The following MPRIP variants were observed in gnomAD, a reference collection of about 807,000 sequenced individuals.
MPRIP encodes myosin phosphatase Rho-interacting protein.
A neutral mutation model predicts 234.9 loss-of-function variants in MPRIP; 59 were observed. The ratio of observed to expected loss-of-function variants is 0.25; its 90% CI spans 0.20 to 0.31. MPRIP has a LOEUF of 0.31. MPRIP is among the 10% of genes least tolerant of loss of function. The pLI, the probability that MPRIP is intolerant of heterozygous loss-of-function variation, is 1.00. For missense variants in MPRIP, 2,436 were observed against 3,071.0 expected, an observed-to-expected ratio of 0.79 and a Z score of 4.89; for synonymous variants, 1,144 against 1,263.9, an observed-to-expected ratio of 0.91 and a Z score of 2.01.
intron 1 of MPRIP, among the ~76,000 whole-genome samples, chr17:17,074,971 C>G (rs1389477672): frequency 1.3e-5 from 2 of 152,040 alleles, no homozygotes; most frequent in African/African-American, 4.8e-5. Flanking sequence ...TTATTTGAGC[C>G]CCTGTTTTCC....
Position 17,137,233 on chromosome 17 carries a change from G to A in MPRIP, c.737-683G>A, listed in dbSNP as rs190681032. On this transcript the variant is annotated intron_variant, in intron 6 of 23. Coordinates refer to ENST00000651222, the MANE Select transcript of MPRIP (RefSeq NM_001364716.4). ...CAGAATGCATTAAAAGACTGAAGGG[G>A]CCGGGCATGGTGGCTCACGCCTATA... Among the ~76,000 whole-genome samples, 303 of 152,262 alleles carry A rather than the reference G, an allele frequency of 2.0e-3. 6 individuals carry two copies. In the East Asian group the frequency reaches 0.048, roughly 24 times the overall value.
intron 22 of MPRIP, 22 bp from the exon 23 acceptor site, chr17:17,179,981 T>C: frequency 6.3e-7 from 1 of 1,575,712 alleles, no homozygotes. Context: ...ACAGGTCTGT[T>C]TGTTTTCATT....
At chr17:17,054,367 A>G (rs1211744209) in intron 1 of MPRIP, among the ~76,000 whole-genome samples, 2 of 152,236 alleles carry the variant, frequency 1.3e-5, no homozygotes, top group Non-Finnish European at 2.9e-5. Context: ...TGATTATCGT[A>G]GACTTGATGA....
At position 17,161,383 on chromosome 17, in the gene MPRIP, A is replaced by C. The variant is rs374012126; in HGVS notation, c.2517+27A>C. The C allele has an allele frequency of 2.6e-4, 390 of 1,492,420 alleles. 3 individuals are homozygous for C. In the South Asian group the frequency reaches 4.4e-3, roughly 17 times the overall value. The allele number at this position is 1,492,420 out of a possible 1,614,324, so 92.4% of individuals were successfully genotyped here. A position where few individuals can be genotyped will look rare whatever the true frequency, so the allele number is the denominator to read the frequency against. ...TAGGGTGGAGGGGCTGCTGTGGCCC[A>C]TGGTGCGCTCAGGAGCTTCAGTGTG... On this transcript the variant is annotated intron_variant, in intron 15 of 23. Transcript: ENST00000651222.
Position 17,075,717 on chromosome 17 carries a change from C to T in MPRIP, c.131C>T (p.Pro44Leu). 1.2e-6 allele frequency: 2 copies of T among 1,614,142 alleles called. No individual in the cohort carries two copies. Among genetic ancestry groups the T allele is most frequent in the Non-Finnish European group, 1.7e-6 (2 of 1,179,996 alleles). ...CTCTTTTTTCTCCTCTAGGCAAAAC[C>T]CATTTATGGCGGTTGGCTGCTCCTG... is the stretch of plus-strand genomic sequence containing the variant. Reference protein sequence around the residue: ...LNDEDLTQAKPIYGGWLLLAP... With the variant: ...LNDEDLTQAKLIYGGWLLLAP... The change falls in exon 2 of 24, where the codon CCC becomes CTC. Residue 44 changes from proline to leucine, a missense_variant. By Grantham distance (98) the Pro-to-Leu change is moderately conservative. Around this residue, in one of 4 missense-constraint regions of MPRIP, gnomAD observed 140 missense variants for 207.3 expected, o/e 0.68. Transcript: ENST00000651222.
chr17:17,160,091 G>A (rs1372591930), intron 14 of MPRIP, among the ~76,000 whole-genome samples: 1 of 152,136 alleles, frequency 6.6e-6, no homozygotes, highest in Non-Finnish European at 1.5e-5. Flanking sequence ...GGGGTCGGCT[G>A]GGCATGGTGG....
intron 3 of MPRIP, 64 bp from the exon 4 acceptor site, chr17:17,126,638 G>C: frequency 6.5e-7 from 1 of 1,545,810 alleles, no homozygotes; most frequent in Admixed American, 1.8e-5. Flanking sequence ...AATGGCCTGG[G>C]GCTGTACGAC....
In MPRIP at chr17:17,136,418, C is replaced by T. The variant is rs754649333; in HGVS notation, c.704C>T (p.Ser235Phe). The change falls in exon 6 of 24, where the codon TCC becomes TTC. Residue 235 changes from serine (S) to phenylalanine (F), a missense_variant. Coordinates refer to ENST00000651222, the MANE Select transcript of MPRIP (RefSeq NM_001364716.4). ...CAGAGCCAGCCTCCTGCTGCCAGCT[C>T]CCTGCGGGAACCTGGGCTAGAGAGC... Reference protein sequence around the residue: ...PSQSQPPAASSLREPGLESKE... With the variant: ...PSQSQPPAASFLREPGLESKE... 6.2e-7 allele frequency: 1 copy of T among 1,610,366 alleles called. No homozygotes were observed. Among genetic ancestry groups the T allele is most frequent in the South Asian group, 1.1e-5 (1 of 90,324 alleles).
chr17:17,131,828 A>AATCTTTGGCTTTGGGCTGCAATCTG, intron 5 of MPRIP, 127 bp downstream of exon 5: 1 of 793,500 alleles, frequency 1.3e-6, no homozygotes, highest in South Asian at 1.6e-5. Flanking sequence ...CCAACTCTGC[A>AATCTTTGGCTTTGGGCTGCAATCTG]CATCCTTGCT....
chr17:17,148,214 A>G (rs968098913), intron 11 of MPRIP, among the ~76,000 whole-genome samples: 1 of 152,218 alleles, frequency 6.6e-6, no homozygotes, highest in Non-Finnish European at 1.5e-5. Context: ...GGTGGTGTCC[A>G]GCGTTGGGGA....
At chr17:17,107,087 T>G (rs998747287) in intron 3 of MPRIP, among the ~76,000 whole-genome samples, 1 of 152,236 alleles carries the variant, frequency 6.6e-6, no homozygotes, top group African/African-American at 2.4e-5. Flanking sequence ...ACAACACATT[T>G]GGTCTATTCT....
intron 1 of MPRIP, 115 bp downstream of exon 1, chr17:17,043,086 C>T (rs1186292521): frequency 3.9e-6 from 4 of 1,028,256 alleles, no homozygotes; most frequent in Non-Finnish European, 4.3e-6. Context: ...TGCGCGAGTC[C>T]TGGGGCATGG....
intron 1 of MPRIP, among the ~76,000 whole-genome samples, chr17:17,061,077 GT>G (rs2088854138): frequency 6.6e-6 from 1 of 152,182 alleles, no homozygotes; most frequent in African/African-American, 2.4e-5. Flanking sequence ...CCCACTGTGG[GT>G]GAGGCAGGTG....
At chr17:17,156,609 G>A (rs971655669) in intron 13 of MPRIP, among the ~76,000 whole-genome samples, 6 of 152,194 alleles carry the variant, frequency 3.9e-5, no homozygotes, top group African/African-American at 1.4e-4. Context: ...TCCCGCCTTT[G>A]GCACTAGAGG....
At chr17:17,140,993 C>G (rs2090803524) in intron 7 of MPRIP, among the ~76,000 whole-genome samples, 1 of 152,160 alleles carries the variant, frequency 6.6e-6, no homozygotes, top group Admixed American at 6.5e-5. Context: ...CCCAGTAGAT[C>G]AGGGCAGCCA....
chr17:17,099,745 T>C (rs758943075), intron 3 of MPRIP, among the ~76,000 whole-genome samples: 1 of 152,104 alleles, frequency 6.6e-6, no homozygotes, highest in Admixed American at 6.5e-5. Context: ...AAAAAAAATG[T>C]AGACAATAAA....
At chr17:17,085,126 C>T (rs1046369653) in intron 3 of MPRIP, among the ~76,000 whole-genome samples, 4 of 152,126 alleles carry the variant, frequency 2.6e-5, no homozygotes, top group African/African-American at 4.8e-5. Context: ...TTGTGTGGTG[C>T]GTGGAGCCCA....
chr17:17,180,673 AAC>A, intron 23 of MPRIP: 1 of 1,612,534 alleles, frequency 6.2e-7, no homozygotes, highest in Non-Finnish European at 8.5e-7. Flanking sequence ...GCAGGAGGTA[AAC>A]CGCCTCTCCC....
chr17:17,146,961 T>C (rs1011172586), intron 10 of MPRIP, among the ~76,000 whole-genome samples: 1 of 152,222 alleles, frequency 6.6e-6, no homozygotes, highest in Non-Finnish European at 1.5e-5. Context: ...ACAGCCACCT[T>C]TCCGTTCTGA....
Sources: allele counts gnomAD v4.1 joint callset (sites outside exome capture counted in the v4.1 genomes callset), GRCh38; gene constraint gnomAD v4.1.1; regional missense constraint gnomAD v4.1.1; transcripts MANE v1.5; gene names NCBI Gene and HGNC (gene_info 2026-07-23, HGNC 2026-07-21).